AATF: variants seen among roughly 807,000 people sequenced by gnomAD.
The protein encoded by AATF is protein AATF.
In AATF, 48 loss-of-function variants were observed where a neutral mutation model predicts 63.7. The observed-to-expected ratio is 0.75, with a 90% CI of 0.60 to 0.96. The LOEUF (loss-of-function observed/expected upper bound fraction) is 0.96. Among genes scored for constraint, AATF ranks in the 40% least tolerant of loss-of-function variants. The pLI is 0.00. For missense variants in AATF, 639 were observed against 685.7 expected (o/e 0.93, Z 0.76); for synonymous variants, 258 against 247.7 (o/e 1.04, Z -0.39).
intron 4 of AATF, among the ~76,000 whole-genome samples, chr17:36,980,709 C>T (rs982716512): frequency 4.0e-4 from 61 of 152,122 alleles, no homozygotes; most frequent in African/African-American, 1.5e-3. Context: ...CTTTCCCTCA[C>T]TCTTGTCAGC....
intron 9 of AATF, 128 bp downstream of exon 9, chr17:37,019,200 T>C (rs1567985993): frequency 1.3e-6 from 1 of 751,490 alleles, no homozygotes; most frequent in Non-Finnish European, 2.2e-6. Context: ...AAGTAAGAGC[T>C]AGAAAGAAAA....
intron 10 of AATF, among the ~76,000 whole-genome samples, chr17:37,023,609 G>C (rs2071489564): frequency 7.4e-6 from 1 of 136,048 alleles, no homozygotes; most frequent in South Asian, 2.6e-4. Flanking sequence ...TTAAAAAGAG[G>C]CATTCTTTTT....
At chr17:37,018,147 T>A (rs1180367557) in intron 8 of AATF, among the ~76,000 whole-genome samples, 1 of 152,264 alleles carries the variant, frequency 6.6e-6, no homozygotes, top group African/African-American at 2.4e-5. Context: ...ATTATCGTAA[T>A]TCAGGGTTTT....
intron 4 of AATF, among the ~76,000 whole-genome samples, chr17:36,973,295 T>C (rs1181974791): frequency 6.6e-6 from 1 of 152,180 alleles, no homozygotes. Flanking sequence ...TTTATCCTTT[T>C]TTTAAAGGAC....
chr17:37,035,826 A>T (rs536297095), intron 11 of AATF, among the ~76,000 whole-genome samples: 29 of 152,344 alleles, frequency 1.9e-4, no homozygotes, highest in African/African-American at 6.7e-4. Flanking sequence ...TGCCAAATAC[A>T]TTTGTGTTAA....
At position 36,953,110 on chromosome 17, in the gene AATF, A is replaced by G. The variant is rs764952614; in HGVS notation, c.508A>G (p.Ser170Gly). Reference protein sequence around the residue: ...FTKGMDDLGSSEEEEDEESGM... With the variant: ...FTKGMDDLGSGEEEEDEESGM... ...CAAGGGAATGGATGACCTTGGGAGCAGTGAGGAGGAGGAAGACGAAGAGAG... is the reference window on the plus strand; with the variant it reads ...CAAGGGAATGGATGACCTTGGGAGCGGTGAGGAGGAGGAAGACGAAGAGAG... Residue 170 changes from serine (S) to glycine (G), a missense_variant, in exon 3 of 12, where the codon AGT becomes GGT. By Grantham distance (56) the Ser-to-Gly change is moderately conservative. Transcript: ENST00000619387. 69 of 1,614,068 alleles carry G rather than the reference A, an allele frequency of 4.3e-5. No homozygotes were observed. The Middle Eastern group carries it at 8.2e-4, about 19-fold the overall frequency.
At chr17:37,003,805 A>G (rs1363497533) in intron 8 of AATF, among the ~76,000 whole-genome samples, 3 of 151,720 alleles carry the variant, frequency 2.0e-5, no homozygotes, top group Non-Finnish European at 2.9e-5. Flanking sequence ...AGGGGGTTCA[A>G]GAGAGAATGG....
At position 36,963,645 on chromosome 17, in the gene AATF, G is replaced by A. The variant is rs73985319; in HGVS notation, c.832+9738G>A. Among the ~76,000 whole-genome samples the A allele has an allele frequency of 4.6e-3, 705 of 152,296 alleles. 3 individuals are homozygous for A. Among genetic ancestry groups the A allele is most frequent in the African/African-American group, 0.015 (643 of 41,564 alleles). The stretch of plus-strand genomic sequence containing the variant: ...ATATACAGAAGCCTTCAGGAAGACA[G>A]TACTCCTTTGACTGACATTCAGTCT... On this transcript the variant is annotated intron_variant, in intron 4 of 11. Transcript: ENST00000619387.
At chr17:36,951,295 C>T (rs560629729) in intron 2 of AATF, among the ~76,000 whole-genome samples, 2 of 152,202 alleles carry the variant, frequency 1.3e-5, no homozygotes, top group South Asian at 4.1e-4. Flanking sequence ...CTGATAAGCT[C>T]ATTTCATATT....
chr17:36,968,856 G>A (rs1358372339), intron 4 of AATF, among the ~76,000 whole-genome samples: 2 of 152,124 alleles, frequency 1.3e-5, no homozygotes, highest in Non-Finnish European at 2.9e-5. Context: ...CTGGCTTCGA[G>A]TGATCAAGCG....
At chr17:37,004,566 G>A (rs1474176460) in intron 8 of AATF, among the ~76,000 whole-genome samples, 1 of 152,132 alleles carries the variant, frequency 6.6e-6, no homozygotes, top group Non-Finnish European at 1.5e-5. Flanking sequence ...GGAGGGGTTG[G>A]TGTGATGGAT....
At chr17:37,027,774 G>A (rs2071521550) in intron 10 of AATF, among the ~76,000 whole-genome samples, 1 of 152,028 alleles carries the variant, frequency 6.6e-6, no homozygotes, top group South Asian at 2.1e-4. Context: ...TCTCAATTCA[G>A]ACTAGCCCCA....
intron 11 of AATF, chr17:37,043,018 G>A (rs1369171004): frequency 2.6e-5 from 4 of 152,092 alleles, no homozygotes; most frequent in East Asian, 1.9e-4. Context: ...TGGGATTACA[G>A]GTGTGAGCCA....
intron 4 of AATF, among the ~76,000 whole-genome samples, chr17:36,969,825 G>T (rs1171312659): frequency 1.3e-5 from 2 of 151,912 alleles, no homozygotes; most frequent in African/African-American, 2.4e-5. Context: ...TTCCCTATTT[G>T]TCCCTAGGCA....
chr17:36,968,343 C>T lies in AATF; in HGVS notation c.832+14436C>T, dbSNP rs191635748. Among the ~76,000 whole-genome samples, 8 of 112,736 alleles carry T rather than the reference C, an allele frequency of 7.1e-5. No homozygotes were observed. The East Asian group carries it at 2.2e-3, about 30-fold the overall frequency. 74.0% of individuals were successfully genotyped at this position (112,736 alleles called of 152,430 possible). On this transcript the variant is annotated intron_variant, in intron 4 of 11. Coordinates refer to ENST00000619387, the MANE Select transcript of AATF (RefSeq NM_012138.4). ...TGTCACCCAGGCTTGATCTTGATCT[C>T]GGCTCACTGCAGCCTTGGCCTCCTG... is the stretch of plus-strand genomic sequence containing the variant.
chr17:37,010,958 A>G (rs555852883), intron 8 of AATF, among the ~76,000 whole-genome samples: 1 of 152,206 alleles, frequency 6.6e-6, no homozygotes, highest in South Asian at 2.1e-4. Flanking sequence ...TGAAAATACT[A>G]CTCTTGAGTA....
At chr17:37,004,524 AAGGT>A (rs780546581) in intron 8 of AATF, among the ~76,000 whole-genome samples, 4 of 152,038 alleles carry the variant, frequency 2.6e-5, no homozygotes, top group Non-Finnish European at 5.9e-5. Flanking sequence ...TTGCAGGAAA[AAGGT>A]AGGAATTGCT....
intron 10 of AATF, among the ~76,000 whole-genome samples, chr17:37,024,625 G>C (rs898143248): frequency 2.0e-5 from 3 of 152,186 alleles, no homozygotes; most frequent in South Asian, 2.1e-4. Flanking sequence ...GTCATTGAAA[G>C]ATTTTAGGCA....
intron 8 of AATF, among the ~76,000 whole-genome samples, chr17:37,014,685 G>C (rs1433976741): frequency 6.6e-6 from 1 of 152,076 alleles, no homozygotes; most frequent in African/African-American, 2.4e-5. Context: ...TTGTATTCCT[G>C]TTCTTTCTTT....
Sources: allele counts gnomAD v4.1 joint callset (sites outside exome capture counted in the v4.1 genomes callset), GRCh38; gene constraint gnomAD v4.1.1; transcripts MANE v1.5; gene names NCBI Gene and HGNC (gene_info 2026-07-23, HGNC 2026-07-21).